Variants in BIRC6 observed in about 807,000 individuals in gnomAD.
The protein encoded by BIRC6 is baculoviral IAP repeat containing 6, also known as dual E2 ubiquitin-conjugating enzyme/E3 ubiquitin-protein ligase BIRC6.
In BIRC6, 98 loss-of-function variants were observed where a neutral mutation model predicts 503.3. The observed-to-expected ratio is 0.19, with a 90% CI of 0.17 to 0.23. BIRC6 has a LOEUF of 0.23. BIRC6 is among the 10% of genes least tolerant of loss of function. The pLI, the probability that BIRC6 is intolerant of heterozygous loss-of-function variation, is 1.00. For missense variants in BIRC6, 5,360 were observed against 5,806.0 expected, an observed-to-expected ratio of 0.92 and a Z score of 2.50; for synonymous variants, 2,240 against 2,078.7, an observed-to-expected ratio of 1.08 and a Z score of -2.11.
chr2:32,561,161 G>T (rs547022744), intron 65 of BIRC6, among the ~76,000 whole-genome samples: 5 of 150,838 alleles, frequency 3.3e-5, no homozygotes, highest in African/African-American at 9.7e-5. Flanking sequence ...CCATGCCATT[G>T]CACTGCAGCC....
chr2:32,386,442 C>CTTTTTTTTTTTTTTTTTTTTTTTT (rs752857568), intron 3 of BIRC6, among the ~76,000 whole-genome samples: 1 of 147,820 alleles, frequency 6.8e-6, no homozygotes. Flanking sequence ...AAGTCTCTCT[C>CTTTTTTTTTTTTTTTTTTTTTTTT]TCTTTTTTTT....
chr2:32,431,973 T>G (rs1194132986), intron 12 of BIRC6, among the ~76,000 whole-genome samples: 1 of 152,210 alleles, frequency 6.6e-6, no homozygotes, highest in Non-Finnish European at 1.5e-5. Flanking sequence ...TATGGTATTT[T>G]CAATATAAGG....
At chr2:32,584,893 A>AT (rs2060926230) in intron 66 of BIRC6, among the ~76,000 whole-genome samples, 1 of 151,990 alleles carries the variant, frequency 6.6e-6, no homozygotes, top group African/African-American at 2.4e-5. Flanking sequence ...TAAACGTTTT[A>AT]TTTTTTTAGA....
chr2:32,396,838 C>T (rs57813560), intron 6 of BIRC6, among the ~76,000 whole-genome samples: 11,620 of 152,056 alleles, frequency 0.076, 562 homozygotes, highest in Admixed American at 0.15. Flanking sequence ...ATTCTCCTGC[C>T]TCAGCCTCCC....
intron 54 of BIRC6, among the ~76,000 whole-genome samples, chr2:32,513,803 G>T (rs1395674179): frequency 6.6e-6 from 1 of 152,186 alleles, no homozygotes; most frequent in African/African-American, 2.4e-5. Context: ...CAGTTACTTG[G>T]GAGGCTGAGG....
At chr2:32,412,739 G>GA (rs1428832271) in intron 9 of BIRC6, among the ~76,000 whole-genome samples, 1 of 151,872 alleles carries the variant, frequency 6.6e-6, no homozygotes, top group Non-Finnish European at 1.5e-5. Flanking sequence ...TGAGAGAGAA[G>GA]AAATGGTGCT....
At chr2:32,397,007 C>T (rs907029988) in intron 6 of BIRC6, among the ~76,000 whole-genome samples, 3 of 152,074 alleles carry the variant, frequency 2.0e-5, no homozygotes, top group Admixed American at 6.6e-5. Context: ...GGATTACAGG[C>T]GTGAGCCACT....
intron 33 of BIRC6, among the ~76,000 whole-genome samples, chr2:32,475,614 T>C (rs909635301): frequency 7.2e-5 from 11 of 152,252 alleles, no homozygotes; most frequent in Admixed American, 2.0e-4. Flanking sequence ...AAAATAAGGT[T>C]GGCAAATTCT....
In BIRC6 at chr2:32,595,120, G is replaced by C. The variant is rs893070064; in HGVS notation, c.13588G>C (p.Ala4530Pro). 7 of 1,593,840 alleles carry C rather than the reference G, an allele frequency of 4.4e-6. No homozygotes were observed. Among genetic ancestry groups the C allele is most frequent in the Non-Finnish European group, 6.0e-6 (7 of 1,173,792 alleles). ...AAAGTCACTTGAAGAAAAATATGTG[G>C]CTGTTATGAAGAAATTACAGTTTGG... ...VLKSLEEKYV[A>P]VMKKLQFDTF... Residue 4530 changes from alanine (A) to proline (P), a missense_variant, in exon 68 of 74, where the codon GCT becomes CCT. This residue lies in a region of BIRC6 where 477 missense variants were observed against 574.4 expected (regional missense o/e 0.83). Coordinates refer to ENST00000421745, the MANE Select transcript of BIRC6 (RefSeq NM_016252.4).
rs201566412 is a variant in BIRC6 at position 32,397,957 on chromosome 2, CAAG to C, written c.1034+2368_1034+2370del. Among the ~76,000 whole-genome samples, 1,138 of 152,160 alleles carry C rather than the reference CAAG, an allele frequency of 7.5e-3. 14 individuals carry two copies. Among genetic ancestry groups the C allele is most frequent in the Non-Finnish European group, 0.011 (745 of 67,990 alleles). On this transcript the variant is annotated intron_variant, in intron 6 of 73. Transcript: ENST00000421745. ...CAGCATTTGGGATTCCTCAAACACT[CAAG>C]AAGTTGATTTGGTCTCTTAAGACCT...
intron 71 of BIRC6, 27 bp from the exon 72 acceptor site, chr2:32,607,428 T>C: frequency 6.9e-7 from 1 of 1,442,928 alleles, no homozygotes. Context: ...TGTCCCATCA[T>C]AGCTGTTCTT....
chr2:32,575,023 C>A, intron 65 of BIRC6, 133 bp from the exon 66 acceptor site: 1 of 887,346 alleles, frequency 1.1e-6, no homozygotes, highest in Non-Finnish European at 1.8e-6. Flanking sequence ...ACTGAGATTA[C>A]AGGCCTGAAC....
chr2:32,388,584 A>T (rs1373988550), intron 3 of BIRC6, among the ~76,000 whole-genome samples, 166 bp from the exon 4 acceptor site: 1 of 152,022 alleles, frequency 6.6e-6, no homozygotes, highest in Non-Finnish European at 1.5e-5. Flanking sequence ...TTTGTAAAAT[A>T]TTTTATTTTT....
chr2:32,525,484 C>T lies in BIRC6; in HGVS notation c.11776C>T (p.Arg3926Cys), dbSNP rs777185395. ...TTTAGGGCTGAAGTCTCAATCTAAACGTGCTGTGTCAGCTACACCACCTCG... is the reference window on the plus strand; with the variant it reads ...TTTAGGGCTGAAGTCTCAATCTAAATGTGCTGTGTCAGCTACACCACCTCG... Reference protein sequence around the residue: ...VASGLKSQSKRAVSATPPRPP... With the variant: ...VASGLKSQSKCAVSATPPRPP... Residue 3926 changes from arginine to cysteine, a missense_variant, in exon 59 of 74, where the codon CGT becomes TGT. Arg to Cys is a radical substitution (Grantham distance 180). Coordinates refer to ENST00000421745, the MANE Select transcript of BIRC6 (RefSeq NM_016252.4). 17 of 1,613,838 alleles carry T rather than the reference C, an allele frequency of 1.1e-5. No homozygotes were observed. The highest frequency in any genetic ancestry group is 1.0e-4 in the Admixed American group (6 of 60,000).
At chr2:32,362,166 C>T (rs1055416255) in intron 1 of BIRC6, among the ~76,000 whole-genome samples, 1 of 152,152 alleles carries the variant, frequency 6.6e-6, no homozygotes, top group Admixed American at 6.6e-5. Context: ...GTTCTACTTC[C>T]TCACCAGCAT....
At chr2:32,589,917 T>G (rs2061299389) in intron 66 of BIRC6, among the ~76,000 whole-genome samples, 1 of 152,214 alleles carries the variant, frequency 6.6e-6, no homozygotes, top group Non-Finnish European at 1.5e-5. Flanking sequence ...ATTCCCTTCT[T>G]TCATGCTCAC....
At chr2:32,374,474 AT>A (rs1398010357) in intron 1 of BIRC6, among the ~76,000 whole-genome samples, 7,518 of 140,800 alleles carry the variant, frequency 0.053, 476 homozygotes, top group African/African-American at 0.17. Flanking sequence ...AATTTTTTTA[AT>A]TTTTTTTTTT....
At chr2:32,514,036 C>T (rs1457852425) in intron 54 of BIRC6, among the ~76,000 whole-genome samples, 1 of 151,086 alleles carries the variant, frequency 6.6e-6, no homozygotes, top group African/African-American at 2.4e-5. Flanking sequence ...TGTACCCCAG[C>T]CTGGGCAACA....
chr2:32,408,376 C>G (rs1401880522), intron 9 of BIRC6, among the ~76,000 whole-genome samples: 7 of 152,180 alleles, frequency 4.6e-5, no homozygotes, highest in African/African-American at 1.4e-4. Context: ...TCCCAAAGTG[C>G]TGGGATTACA....
Sources: gnomAD v4.1 joint callset for allele counts (sites outside exome capture counted in the v4.1 genomes callset) on GRCh38, gnomAD v4.1.1 for gene constraint, gnomAD v4.1.1 regional missense constraint, MANE v1.5 for transcripts, NCBI Gene and HGNC (gene_info 2026-07-23, HGNC 2026-07-21) for gene names.